The following LARGE1 variants were observed in gnomAD, a reference collection of about 807,000 sequenced individuals.
The protein encoded by LARGE1 is xylosyl- and glucuronyltransferase LARGE1.
Under a neutral mutation model 87.6 loss-of-function variants are expected in LARGE1, and 43 were observed. The ratio of observed to expected loss-of-function variants is 0.49; its 90% CI spans 0.38 to 0.63. LARGE1 has a LOEUF of 0.63. Ranked by LOEUF, LARGE1 falls within the 30% of genes least tolerant of loss-of-function variation. LARGE1 has a pLI of 0.00. For synonymous variants in LARGE1, 434 were observed against 394.6 expected (o/e 1.10, Z -1.18); for missense variants, 802 against 1,000.2 (o/e 0.80, Z 2.67).
intron 5 of LARGE1, among the ~76,000 whole-genome samples, chr22:33,569,038 G>A (rs539127907): frequency 2.7e-4 from 41 of 152,280 alleles, no homozygotes; most frequent in Non-Finnish European, 5.1e-4. Context: ...AGCCATCACC[G>A]TTAAGATCCG....
At chr22:33,727,330 A>C (rs2083301620) in intron 2 of LARGE1, among the ~76,000 whole-genome samples, 1 of 152,184 alleles carries the variant, frequency 6.6e-6, no homozygotes, top group South Asian at 2.1e-4. Context: ...AGGGTGATCC[A>C]TTCACCATCT....
intron 6 of LARGE1, among the ~76,000 whole-genome samples, chr22:33,563,681 C>A (rs7290928): frequency 1.1e-4 from 17 of 152,294 alleles, no homozygotes; most frequent in East Asian, 5.8e-4. Flanking sequence ...AAGGACACGT[C>A]CACACGTTCT....
chr22:33,483,633 G>A (rs563378092), intron 6 of LARGE1, among the ~76,000 whole-genome samples: 1 of 152,192 alleles, frequency 6.6e-6, no homozygotes, highest in East Asian at 1.9e-4. Context: ...GGAGGGGTCG[G>A]GCTGCATTAA....
At chr22:33,530,818 G>A (rs867962890) in intron 6 of LARGE1, among the ~76,000 whole-genome samples, 3 of 152,140 alleles carry the variant, frequency 2.0e-5, no homozygotes, top group Middle Eastern at 3.2e-3. Flanking sequence ...CCTACATGAT[G>A]CACCCTGGAC....
At chr22:33,291,505 A>C (rs774883380) in intron 12 of LARGE1, among the ~76,000 whole-genome samples, 3 of 152,054 alleles carry the variant, frequency 2.0e-5, no homozygotes, top group Non-Finnish European at 2.9e-5. Flanking sequence ...ATGTGTTGGA[A>C]GCTTAATTCC....
intron 6 of LARGE1, among the ~76,000 whole-genome samples, chr22:33,460,977 T>A (rs532856406): frequency 6.6e-6 from 1 of 151,710 alleles, no homozygotes; most frequent in Non-Finnish European, 1.5e-5. Context: ...CAGAAGCAAA[T>A]ACAAATCCTA....
chr22:33,867,664 T>C (rs1422172645), intron 1 of LARGE1, among the ~76,000 whole-genome samples: 3 of 152,216 alleles, frequency 2.0e-5, no homozygotes, highest in South Asian at 4.1e-4. Flanking sequence ...TGGAGCCACG[T>C]TGAATCACTG....
chr22:33,768,436 TCA>T (rs71969164), intron 1 of LARGE1, among the ~76,000 whole-genome samples: 71,546 of 147,044 alleles, frequency 0.49, 17,115 homozygotes, highest in East Asian at 0.65. Context: ...ACGCGCGCGC[TCA>T]CACACACACA....
At chr22:33,442,848 A>G (rs1373580634) in intron 6 of LARGE1, among the ~76,000 whole-genome samples, 1 of 148,690 alleles carries the variant, frequency 6.7e-6, no homozygotes, top group African/African-American at 2.5e-5. Flanking sequence ...GCTGGAGTGC[A>G]GTGGCACTAT....
At chr22:33,079,630 T>C in the LARGE1 span, among the ~76,000 whole-genome samples, 1 of 152,166 alleles carries the variant, frequency 6.6e-6, no homozygotes, top group Non-Finnish European at 1.5e-5. Flanking sequence ...GATCACACTC[T>C]ATTATTTGTT....
chr22:33,212,834 G>A (rs1925025828), intron 11 of LARGE1, among the ~76,000 whole-genome samples: 2 of 152,026 alleles, frequency 1.3e-5, no homozygotes, highest in South Asian at 4.1e-4. Context: ...TGGTTAACAC[G>A]GTGAAACCCC....
At chr22:33,480,732 T>C (rs1183278001) in intron 6 of LARGE1, among the ~76,000 whole-genome samples, 2 of 152,212 alleles carry the variant, frequency 1.3e-5, no homozygotes, top group African/African-American at 2.4e-5. Context: ...TGCAATCTTA[T>C]CACTTAGAGA....
intron 11 of LARGE1, among the ~76,000 whole-genome samples, chr22:33,229,458 A>T (rs1925897988): frequency 6.6e-6 from 1 of 152,120 alleles, no homozygotes; most frequent in South Asian, 2.1e-4. Flanking sequence ...TGAATATTTT[A>T]AAAATAAATA....
chr22:33,835,489 C>T (rs529397946), intron 1 of LARGE1, among the ~76,000 whole-genome samples: 163 of 152,274 alleles, frequency 1.1e-3, no homozygotes, highest in African/African-American at 3.7e-3. Flanking sequence ...GGATAAAAAC[C>T]GAAATTCAGC....
At chr22:33,490,895 C>T (rs1569208954) in intron 6 of LARGE1, among the ~76,000 whole-genome samples, 2 of 152,176 alleles carry the variant, frequency 1.3e-5, no homozygotes, top group Non-Finnish European at 2.9e-5. Context: ...CTACCATTGT[C>T]GCCAGTTTCC....
intron 6 of LARGE1, among the ~76,000 whole-genome samples, chr22:33,545,803 C>T (rs1307002329): frequency 2.6e-5 from 4 of 152,160 alleles, no homozygotes; most frequent in Admixed American, 6.5e-5. Context: ...AGGCTGGTTT[C>T]GAACTCCTGA....
At chr22:33,322,060 C>A (rs1936775187) in intron 10 of LARGE1, among the ~76,000 whole-genome samples, 1 of 152,142 alleles carries the variant, frequency 6.6e-6, no homozygotes, top group Admixed American at 6.5e-5. Context: ...CTCAGGTGAT[C>A]CACCCGCCTC....
Position 33,632,123 on chromosome 22 carries a change from C to CGTTT in LARGE1, c.409-5801_409-5798dup, listed in dbSNP as rs895792149. 4.6e-5 allele frequency among the ~76,000 whole-genome samples: 7 copies of CGTTT among 152,162 alleles called. No individual in the cohort carries two copies. In the South Asian group the frequency reaches 6.2e-4, roughly 14 times the overall value. On this transcript the variant is annotated intron_variant, in intron 3 of 14. Coordinates refer to ENST00000397394, the MANE Select transcript of LARGE1 (RefSeq NM_133642.5). ...CAGTCCTGTGTCTGGAGAGTCTGGC[C>CGTTT]GTTTGTTTGTTTGTTTTGAGACCGA...
intron 6 of LARGE1, among the ~76,000 whole-genome samples, chr22:33,451,590 C>T (rs1180578392): frequency 1.8e-4 from 26 of 148,170 alleles, no homozygotes; most frequent in African/African-American, 3.8e-4. Flanking sequence ...GACCAAGTCT[C>T]GCTATGTCGC....
Sources: allele counts gnomAD v4.1 joint callset (sites outside exome capture counted in the v4.1 genomes callset), GRCh38; gene constraint gnomAD v4.1.1; transcripts MANE v1.5; gene names NCBI Gene and HGNC (gene_info 2026-07-23, HGNC 2026-07-21).